The following CA13 variants were observed in gnomAD, a reference collection of about 807,000 sequenced individuals.
The protein encoded by CA13 is carbonic anhydrase 13, also known as CA-XIII.
CA13 carries 21 observed loss-of-function variants against 31.5 expected under a neutral mutation model. The observed-to-expected ratio is 0.67, with a 90% CI of 0.47 to 0.96. The LOEUF is 0.96. Ranked by LOEUF, CA13 falls within the 40% of genes least tolerant of loss-of-function variation. The pLI is 0.00. For missense variants in CA13, 315 were observed against 318.9 expected, an observed-to-expected ratio of 0.99 and a Z score of 0.09; for synonymous variants, 117 against 111.4, an observed-to-expected ratio of 1.05 and a Z score of -0.32.
At chr8:85,274,149 C>T (rs929970709) in intron 6 of CA13, among the ~76,000 whole-genome samples, 9 of 151,916 alleles carry the variant, frequency 5.9e-5, no homozygotes, top group Non-Finnish European at 1.0e-4. Context: ...TTTCAGGTCC[C>T]GGGGAGAATC....
chr8:85,269,490 A>G (rs765612143), intron 6 of CA13, among the ~76,000 whole-genome samples: 5 of 152,072 alleles, frequency 3.3e-5, no homozygotes, highest in Non-Finnish European at 5.9e-5. Context: ...TGTTCTTACT[A>G]TAATTATAAG....
intron 6 of CA13, among the ~76,000 whole-genome samples, chr8:85,278,728 T>C (rs1327787460): frequency 6.6e-6 from 1 of 152,180 alleles, no homozygotes; most frequent in Non-Finnish European, 1.5e-5. Flanking sequence ...ATTTATGATG[T>C]TGCTTTTTCT....
At chr8:85,248,793 A>C (rs1271585798) in intron 1 of CA13, among the ~76,000 whole-genome samples, 1 of 152,204 alleles carries the variant, frequency 6.6e-6, no homozygotes, top group African/African-American at 2.4e-5. Context: ...AGAGCAAAGC[A>C]ATTAGGAGAA....
chr8:85,276,097 G>C (rs2130004906), intron 6 of CA13, among the ~76,000 whole-genome samples: 1 of 152,280 alleles, frequency 6.6e-6, no homozygotes, highest in South Asian at 2.1e-4. Context: ...GCTGCGGGCG[G>C]TGCTTGCGGG....
At chr8:85,275,722 C>A (rs992378459) in intron 6 of CA13, among the ~76,000 whole-genome samples, 1 of 152,154 alleles carries the variant, frequency 6.6e-6, no homozygotes, top group South Asian at 2.1e-4. Context: ...ACAAATAGTC[C>A]CATTACGACT....
At chr8:85,253,923 C>T (rs964842078) in intron 2 of CA13, among the ~76,000 whole-genome samples, 1 of 152,114 alleles carries the variant, frequency 6.6e-6, no homozygotes, top group Non-Finnish European at 1.5e-5. Context: ...TAGTTTGTTA[C>T]TGTTTACAAT....
chr8:85,258,881 G>A (rs1212654407), intron 2 of CA13, among the ~76,000 whole-genome samples: 2 of 150,538 alleles, frequency 1.3e-5, no homozygotes, highest in African/African-American at 4.9e-5. Flanking sequence ...AGGTTGCAGT[G>A]AGCCGTGATT....
chr8:85,266,495 T>C, intron 3 of CA13, 113 bp from the exon 4 acceptor site: 1 of 701,594 alleles, frequency 1.4e-6, no homozygotes, highest in Non-Finnish European at 2.4e-6. Flanking sequence ...TTGTGATAAA[T>C]ACATTATACA....
chr8:85,245,552 C>G lies in CA13; in HGVS notation c.-277C>G. ...ATCCCCCCCGGAAACCTTTCTCTCT[C>G]CGTCTCTCCCTCTAACTCAAATCTC... On this transcript the variant is annotated 5_prime_UTR_variant, in exon 1 of 7. Transcript: ENST00000321764. 2.1e-6 allele frequency: 1 copy of G among 473,908 alleles called. No homozygotes were observed. Among genetic ancestry groups the G allele is most frequent in the Non-Finnish European group, 3.7e-6 (1 of 267,090 alleles). 29.4% of individuals were successfully genotyped at this position (473,908 alleles called of 1,614,324 possible).
intron 6 of CA13, among the ~76,000 whole-genome samples, chr8:85,275,470 A>G (rs1426558636): frequency 6.6e-6 from 1 of 152,160 alleles, no homozygotes; most frequent in Non-Finnish European, 1.5e-5. Context: ...GCAATTGGAC[A>G]CATTCATGGT....
chr8:85,267,397 T>C, intron 4 of CA13: 2 of 594,894 alleles, frequency 3.4e-6, no homozygotes, highest in African/African-American at 2.0e-5. Context: ...AAGAGGATCA[T>C]TTATGTATCT....
Position 85,245,638 on chromosome 8 carries a change from G to A in CA13, c.-191G>A. 3 of 615,502 alleles carry A rather than the reference G, an allele frequency of 4.9e-6. No homozygotes were observed. The highest frequency in any genetic ancestry group is 2.9e-5 in the Admixed American group (1 of 34,176). 38.1% of individuals were successfully genotyped at this position (615,502 alleles called of 1,614,324 possible). A position where few individuals can be genotyped will look rare whatever the true frequency, so the allele number is the denominator to read the frequency against. ...CCAGGAGTCAGCCAGCGGCGCGGGC[G>A]CCTTCCCCGCACGCCTCTGCCGTCT... On this transcript the variant is annotated 5_prime_UTR_variant, in exon 1 of 7. Coordinates refer to ENST00000321764, the MANE Select transcript of CA13 (RefSeq NM_198584.3).
intron 3 of CA13, among the ~76,000 whole-genome samples, chr8:85,262,914 C>T (rs189741108): frequency 1.7e-3 from 266 of 152,184 alleles, no homozygotes; most frequent in African/African-American, 6.2e-3. Flanking sequence ...GGTCAAACCT[C>T]AGGCTTGGTG....
chr8:85,246,151 A>G, intron 1 of CA13: 1 of 547,738 alleles, frequency 1.8e-6, no homozygotes, highest in Non-Finnish European at 3.3e-6. Context: ...CTTCATCTGA[A>G]AAGCCAAGGA....
rs1464275841 is a variant in CA13 at position 85,282,817 on chromosome 8, T to C, written c.*1468T>C. On this transcript the variant is annotated 3_prime_UTR_variant, in exon 7 of 7. Transcript: ENST00000321764. ...TTAACTTAATAATCACATTTAAGAC[T>C]TGAACACATGCTACCCTTTTGTCAT... 6.6e-6 allele frequency: 1 copy of C among 152,198 alleles called. No homozygotes were observed. Among genetic ancestry groups the C allele is most frequent in the East Asian group, 1.9e-4 (1 of 5,200 alleles). 9.4% of individuals were successfully genotyped at this position (152,198 alleles called of 1,614,324 possible). A position where few individuals can be genotyped will look rare whatever the true frequency, so the allele number is the denominator to read the frequency against.
intron 2 of CA13, among the ~76,000 whole-genome samples, chr8:85,257,284 A>T (rs1321943131): frequency 6.6e-6 from 1 of 152,194 alleles, no homozygotes; most frequent in East Asian, 1.9e-4. Context: ...TTTCTGCCTT[A>T]AAGGAATTTG....
At position 85,281,355 on chromosome 8, in the gene CA13, G is replaced by A. The variant is rs528447615; in HGVS notation, c.*6G>A. ...TGAGAGCCTCTTTCCATTAAAAATTGTCACCAATGAACTCCCCCAAACATG... is the reference window on the plus strand; with the variant it reads ...TGAGAGCCTCTTTCCATTAAAAATTATCACCAATGAACTCCCCCAAACATG... On this transcript the variant is annotated 3_prime_UTR_variant, in exon 7 of 7. Transcript: ENST00000321764. 5 of 1,613,494 alleles carry A rather than the reference G, an allele frequency of 3.1e-6. No individual in the cohort carries two copies. The South Asian group carries it at 4.4e-5, about 14-fold the overall frequency.
chr8:85,249,513 T>C (rs1373468422), intron 1 of CA13, among the ~76,000 whole-genome samples: 2 of 148,544 alleles, frequency 1.3e-5, no homozygotes, highest in Non-Finnish European at 3.0e-5. Flanking sequence ...AAAAAAAAGA[T>C]TTAGAATTTT....
At chr8:85,278,750 C>T (rs1453576502) in intron 6 of CA13, among the ~76,000 whole-genome samples, 1 of 152,084 alleles carries the variant, frequency 6.6e-6, no homozygotes, top group East Asian at 1.9e-4. Context: ...CCTTTGTGTA[C>T]TTTTGAACAT....
Sources: allele counts gnomAD v4.1 joint callset (sites outside exome capture counted in the v4.1 genomes callset), GRCh38; gene constraint gnomAD v4.1.1; transcripts MANE v1.5; gene names NCBI Gene and HGNC (gene_info 2026-07-23, HGNC 2026-07-21).